The following ANKRD12 variants were observed in gnomAD, a reference collection of about 807,000 sequenced individuals.
ANKRD12 encodes ankyrin repeat domain 12.
In ANKRD12, 85 loss-of-function variants were observed where a neutral mutation model predicts 183.4. That is an observed-to-expected ratio of 0.46 (90% CI 0.39 to 0.56). The LOEUF (loss-of-function observed/expected upper bound fraction) is 0.56, where lower values mean the gene tolerates loss of function less well. Ranked by LOEUF, ANKRD12 falls within the 20% of genes least tolerant of loss-of-function variation. ANKRD12 has a pLI of 0.00. For missense variants in ANKRD12, 2,405 were observed against 2,357.1 expected, an observed-to-expected ratio of 1.02 and a Z score of -0.42; for synonymous variants, 914 against 800.2, an observed-to-expected ratio of 1.14 and a Z score of -2.40.
rs1184043388 is a variant in ANKRD12 at position 9,281,654 on chromosome 18, A to C, written c.*528A>C. The C allele has an allele frequency of 6.6e-6, 1 of 152,664 alleles. No homozygotes were observed. The highest frequency in any genetic ancestry group is 1.5e-5 in the Non-Finnish European group (1 of 68,050). The allele number at this position is 152,664 out of a possible 1,614,324, so 9.5% of individuals were successfully genotyped here. A position where few individuals can be genotyped will look rare whatever the true frequency, so the allele number is the denominator to read the frequency against. ...TCCTTTTTAATAACTTATTTTATAC[A>C]TATTGTGCAGATGTAAATCTTGTAA... On this transcript the variant is annotated 3_prime_UTR_variant, in exon 13 of 13. Transcript: ENST00000262126.
intron 1 of ANKRD12, chr18:9,137,865 T>C (rs1176610027): frequency 6.6e-6 from 1 of 152,242 alleles, no homozygotes; most frequent in African/African-American, 2.4e-5. Context: ...TAAACGGTTG[T>C]ACAAAGAGGT....
At chr18:9,265,345 C>T (rs570366374) in intron 10 of ANKRD12, among the ~76,000 whole-genome samples, 32 of 152,304 alleles carry the variant, frequency 2.1e-4, no homozygotes, top group African/African-American at 7.5e-4. Context: ...GGTCCCTGAC[C>T]CCCGAGTAGC....
At chr18:9,174,977 C>T (rs2033129067) in intron 1 of ANKRD12, among the ~76,000 whole-genome samples, 1 of 152,022 alleles carries the variant, frequency 6.6e-6, no homozygotes, top group South Asian at 2.1e-4. Context: ...ATTCCTGAGA[C>T]AGAGTCTTGC....
chr18:9,254,627 A>G lies in ANKRD12; in HGVS notation c.1360A>G (p.Met454Val). Reference protein sequence around the residue: ...SVIPETSNSDMQTKKEYVVSG... With the variant: ...SVIPETSNSDVQTKKEYVVSG... ...CATCCCTGAAACATCAAATTCTGAT[A>G]TGCAAACCAAAAAGGAATATGTAGT... is the stretch of plus-strand genomic sequence containing the variant. The change falls in exon 9 of 13, where the codon ATG (methionine) becomes GTG (valine). Residue 454 changes from methionine (M) to valine (V), a missense_variant. Physicochemically the swap from Met to Val is conservative, Grantham distance 21. Around this residue, in one of 7 missense-constraint regions of ANKRD12, gnomAD observed 1,983 missense variants for 1,725.9 expected, o/e 1.15. Coordinates refer to ENST00000262126, the MANE Select transcript of ANKRD12 (RefSeq NM_015208.5). 6.3e-7 allele frequency: 1 copy of G among 1,583,404 alleles called. No homozygotes were observed. Among genetic ancestry groups the G allele is most frequent in the Non-Finnish European group, 8.6e-7 (1 of 1,168,288 alleles).
chr18:9,234,982 C>T (rs1401337220), intron 8 of ANKRD12, among the ~76,000 whole-genome samples: 1 of 152,180 alleles, frequency 6.6e-6, no homozygotes. Context: ...GTTCCTTCCC[C>T]TTCTCTGCCT....
chr18:9,208,108 G>C (rs1567916578), intron 4 of ANKRD12, among the ~76,000 whole-genome samples: 1 of 152,086 alleles, frequency 6.6e-6, no homozygotes, highest in African/African-American at 2.4e-5. Context: ...TTTGACTAAT[G>C]TCATTTCATG....
At chr18:9,151,441 A>G (rs2078683342) in intron 1 of ANKRD12, among the ~76,000 whole-genome samples, 1 of 152,224 alleles carries the variant, frequency 6.6e-6, no homozygotes, top group Non-Finnish European at 1.5e-5. Flanking sequence ...GAACGAGAGG[A>G]TCTTAAATGT....
At position 9,258,892 on chromosome 18, in the gene ANKRD12, C is replaced by T. The variant is rs2038797517; in HGVS notation, c.5625C>T (p.Leu1875=). The T allele has an allele frequency of 6.2e-7, 1 of 1,611,292 alleles. No individual in the cohort carries two copies. The highest frequency in any genetic ancestry group is 8.5e-7 in the Non-Finnish European group (1 of 1,178,604). ...DEYVTFNGSY[L]LDGNPLSKIC... The stretch of plus-strand genomic sequence containing the variant: ...ATGTAACATTTAACGGATCATATCT[C>T]CTGGATGGAAACCCCTTAAGCAAGA... Residue 1875 remains leucine (L), a synonymous_variant, in exon 9 of 13, where the codon CTC becomes CTT. Coordinates refer to ENST00000262126, the MANE Select transcript of ANKRD12 (RefSeq NM_015208.5).
At chr18:9,252,650 T>C (rs2038366635) in intron 8 of ANKRD12, among the ~76,000 whole-genome samples, 2 of 152,304 alleles carry the variant, frequency 1.3e-5, no homozygotes, top group African/African-American at 4.8e-5. Context: ...TCAGTTTATG[T>C]TTAACTCCCT....
At chr18:9,168,858 G>A (rs1006360312) in intron 1 of ANKRD12, among the ~76,000 whole-genome samples, 21 of 152,016 alleles carry the variant, frequency 1.4e-4, no homozygotes, top group African/African-American at 5.1e-4. Flanking sequence ...TGGGCATTTA[G>A]TGCTATAGAT....
chr18:9,191,302 C>T (rs2034439772), intron 2 of ANKRD12, among the ~76,000 whole-genome samples: 1 of 152,144 alleles, frequency 6.6e-6, no homozygotes, highest in East Asian at 1.9e-4. Flanking sequence ...TCAAGTCTAT[C>T]AAAAACATTT....
intron 1 of ANKRD12, among the ~76,000 whole-genome samples, chr18:9,159,975 T>A (rs915737279): frequency 1.3e-5 from 2 of 151,868 alleles, no homozygotes; most frequent in Admixed American, 1.3e-4. Flanking sequence ...CAGCTCATTT[T>A]AAAATATTTG....
At chr18:9,148,927 C>G (rs928046514) in intron 1 of ANKRD12, among the ~76,000 whole-genome samples, 1 of 152,196 alleles carries the variant, frequency 6.6e-6, no homozygotes, top group African/African-American at 2.4e-5. Context: ...CTGTCCCACT[C>G]TGCTTCAGTT....
At chr18:9,155,192 A>G (rs2030221990) in intron 1 of ANKRD12, among the ~76,000 whole-genome samples, 1 of 152,248 alleles carries the variant, frequency 6.6e-6, no homozygotes, top group Non-Finnish European at 1.5e-5. Context: ...AAAAGTAGAA[A>G]GAATCAATAA....
At chr18:9,178,462 G>A (rs928009379) in intron 1 of ANKRD12, among the ~76,000 whole-genome samples, 1 of 152,042 alleles carries the variant, frequency 6.6e-6, no homozygotes, top group African/African-American at 2.4e-5. Context: ...ATGTATATGT[G>A]TAGATCTGTT....
intron 8 of ANKRD12, among the ~76,000 whole-genome samples, chr18:9,252,485 G>T (rs1168533503): frequency 6.6e-6 from 1 of 152,148 alleles, no homozygotes; most frequent in African/African-American, 2.4e-5. Context: ...GGACATTAGT[G>T]TCAGGATAAC....
At chr18:9,269,354 A>G (rs552003470) in intron 10 of ANKRD12, among the ~76,000 whole-genome samples, 5 of 152,164 alleles carry the variant, frequency 3.3e-5, no homozygotes, top group East Asian at 1.9e-4. Context: ...GCATCACACT[A>G]CCTGACTTCA....
At chr18:9,183,038 C>T (rs760040310) in intron 2 of ANKRD12, among the ~76,000 whole-genome samples, 101 of 152,220 alleles carry the variant, frequency 6.6e-4, no homozygotes, top group African/African-American at 1.8e-3. Flanking sequence ...TTTTAACTAA[C>T]GGAGTTGCGC....
chr18:9,250,273 G>A (rs2038210853), intron 8 of ANKRD12: 1 of 152,132 alleles, frequency 6.6e-6, no homozygotes, highest in African/African-American at 2.4e-5. Context: ...TATCATTGTT[G>A]GAGTTTTTAT....
Sources: gnomAD v4.1 joint callset for allele counts (sites outside exome capture counted in the v4.1 genomes callset) on GRCh38, gnomAD v4.1.1 for gene constraint, gnomAD v4.1.1 regional missense constraint, MANE v1.5 for transcripts, NCBI Gene and HGNC (gene_info 2026-07-23, HGNC 2026-07-21) for gene names.